Variants in SBF2 observed in about 807,000 individuals in gnomAD.
SBF2 encodes SET binding factor 2, also known as myotubularin-related protein 13.
SBF2 carries 112 observed loss-of-function variants against 225.2 expected under a neutral mutation model. The ratio of observed to expected loss-of-function variants is 0.50; its 90% CI spans 0.43 to 0.58. SBF2 has a LOEUF of 0.58. Among genes scored for constraint, SBF2 ranks in the 20% least tolerant of loss-of-function variants. The pLI is 0.00. For synonymous variants in SBF2, 763 were observed against 773.3 expected, an observed-to-expected ratio of 0.99 and a Z score of 0.22; for missense variants, 1,996 against 2,206.2, an observed-to-expected ratio of 0.90 and a Z score of 1.91.
chr11:10,245,101 T>C (rs1959639872), intron 1 of SBF2, among the ~76,000 whole-genome samples: 3 of 129,714 alleles, frequency 2.3e-5, no homozygotes, highest in South Asian at 4.8e-4. Flanking sequence ...ACCACTGTAC[T>C]CCAGCATGGG....
intron 4 of SBF2, 107 bp from the exon 5 acceptor site, chr11:10,029,982 T>A: frequency 1.2e-6 from 1 of 807,692 alleles, no homozygotes; most frequent in Non-Finnish European, 2.2e-6. Flanking sequence ...GTAAAGTATA[T>A]TATACAGTGA....
chr11:9,825,407 GAACT>G (rs1455431104), intron 28 of SBF2, among the ~76,000 whole-genome samples: 2 of 152,138 alleles, frequency 1.3e-5, no homozygotes, highest in Non-Finnish European at 2.9e-5. Flanking sequence ...CCAGCTTCCA[GAACT>G]GTGAGACAAT....
chr11:10,025,351 T>C (rs1173469159), intron 6 of SBF2, among the ~76,000 whole-genome samples: 2 of 152,158 alleles, frequency 1.3e-5, no homozygotes, highest in African/African-American at 4.8e-5. Flanking sequence ...TGGCCTTTTA[T>C]GGTCTCAACT....
intron 16 of SBF2, among the ~76,000 whole-genome samples, chr11:9,954,511 C>T (rs1315184062): frequency 2.6e-5 from 4 of 152,084 alleles, no homozygotes; most frequent in African/African-American, 7.2e-5. Context: ...TTCATAACTG[C>T]GAAGGGCCTC....
At chr11:10,232,714 C>T (rs972642239) in intron 1 of SBF2, among the ~76,000 whole-genome samples, 5 of 151,892 alleles carry the variant, frequency 3.3e-5, no homozygotes, top group African/African-American at 1.2e-4. Context: ...CAGGTACACA[C>T]AATTGTGACC....
At chr11:10,155,000 ACTAT>A (rs752843663) in intron 2 of SBF2, among the ~76,000 whole-genome samples, 6 of 152,154 alleles carry the variant, frequency 3.9e-5, no homozygotes, top group East Asian at 1.9e-4. Flanking sequence ...GAAAATTCTG[ACTAT>A]CTATTTTAGT....
In SBF2 at chr11:9,795,839, A is replaced by G; in HGVS notation, c.4562T>C (p.Leu1521Ser). The G allele has an allele frequency of 9.3e-6, 15 of 1,613,864 alleles. No homozygotes were observed. Among genetic ancestry groups the G allele is most frequent in the Non-Finnish European group, 1.3e-5 (15 of 1,179,922 alleles). Reference protein sequence around the residue: ...TFLLDSDYERLEHGTLFDDKG... With the variant: ...TFLLDSDYERSEHGTLFDDKG... ...GGCATACAGACACATACCGTGCTCT[A>G]ATCTTTCATAGTCTGAATCCAGGAG... The change falls in exon 33 of 40, where the codon TTA (leucine) becomes TCA (serine). Residue 1521 changes from leucine to serine, a missense_variant. Transcript: ENST00000256190.
At chr11:9,873,396 G>C (rs1368971469) in intron 17 of SBF2, among the ~76,000 whole-genome samples, 1 of 152,090 alleles carries the variant, frequency 6.6e-6, no homozygotes, top group African/African-American at 2.4e-5. Context: ...GAAGATTATG[G>C]TGTATGCTGC....
intron 2 of SBF2, among the ~76,000 whole-genome samples, chr11:10,080,374 A>T (rs1390658920): frequency 1.3e-5 from 2 of 151,952 alleles, no homozygotes; most frequent in Non-Finnish European, 2.9e-5. Flanking sequence ...GACCGGTCCT[A>T]TCAAAAAAAC....
chr11:10,004,910 C>T (rs1015275464), intron 6 of SBF2, among the ~76,000 whole-genome samples: 2 of 152,154 alleles, frequency 1.3e-5, no homozygotes, highest in Admixed American at 1.3e-4. Flanking sequence ...TCTTTCCAGA[C>T]CCAACCAATG....
chr11:10,215,571 C>T (rs1056575029), intron 1 of SBF2, among the ~76,000 whole-genome samples: 4 of 152,040 alleles, frequency 2.6e-5, no homozygotes, highest in Admixed American at 1.3e-4. Flanking sequence ...TGCTGTGAGC[C>T]GTGACCGTAC....
chr11:9,819,697 C>CCT (rs1258921375), intron 28 of SBF2, among the ~76,000 whole-genome samples: 3 of 152,100 alleles, frequency 2.0e-5, no homozygotes, highest in African/African-American at 7.2e-5. Flanking sequence ...ATACATTGGT[C>CCT]CTCATATTGA....
rs1184157337 is a variant in SBF2 at position 9,829,580 on chromosome 11, C to T, written c.3653-84G>A. ...TCTATCTATCTATCTATCTACCTAT[C>T]TATCTATGCTTATTTTTCTCTATAT... On this transcript the variant is annotated intron_variant, in intron 27 of 39. Transcript: ENST00000256190. 7.5e-6 allele frequency: 9 copies of T among 1,192,778 alleles called. No individual in the cohort carries two copies. In the Admixed American group the frequency reaches 1.6e-4, roughly 21 times the overall value. 73.9% of individuals were successfully genotyped at this position (1,192,778 alleles called of 1,614,324 possible).
At chr11:10,053,576 T>C (rs1046901606) in intron 2 of SBF2, among the ~76,000 whole-genome samples, 11 of 152,156 alleles carry the variant, frequency 7.2e-5, no homozygotes, top group Non-Finnish European at 1.0e-4. Flanking sequence ...GCTCTGAACA[T>C]TATATAGATA....
At chr11:9,939,250 C>T (rs1016673274) in intron 16 of SBF2, among the ~76,000 whole-genome samples, 8 of 152,248 alleles carry the variant, frequency 5.3e-5, no homozygotes, top group African/African-American at 1.9e-4. Context: ...CACCTGCCAC[C>T]ACGCCCGGCT....
chr11:9,820,758 CT>C (rs1322479239), intron 28 of SBF2, among the ~76,000 whole-genome samples: 1 of 152,186 alleles, frequency 6.6e-6, no homozygotes, highest in Non-Finnish European at 1.5e-5. Flanking sequence ...TATTCTTTCA[CT>C]CTACAAGATT....
intron 28 of SBF2, chr11:9,828,609 C>G (rs185204696): frequency 1.0e-6 from 1 of 985,426 alleles, no homozygotes; most frequent in African/African-American, 1.7e-5. Flanking sequence ...TACATGAACC[C>G]TTTGGGGTTC....
At chr11:10,202,051 T>A (rs1957587442) in intron 1 of SBF2, among the ~76,000 whole-genome samples, 1 of 152,158 alleles carries the variant, frequency 6.6e-6, no homozygotes, top group Non-Finnish European at 1.5e-5. Context: ...GAGAAATGAA[T>A]ACAAACTGAA....
intron 2 of SBF2, among the ~76,000 whole-genome samples, chr11:10,172,405 C>T (rs1230596779): frequency 6.6e-6 from 1 of 151,914 alleles, no homozygotes; most frequent in Non-Finnish European, 1.5e-5. Context: ...CAGGATGAAG[C>T]ACAATGGCGC....
Sources: allele counts gnomAD v4.1 joint callset (sites outside exome capture counted in the v4.1 genomes callset), GRCh38; gene constraint gnomAD v4.1.1; transcripts MANE v1.5; gene names NCBI Gene and HGNC (gene_info 2026-07-23, HGNC 2026-07-21).